Variants in MTMR7 observed in about 807,000 individuals in gnomAD.
MTMR7 encodes myotubularin related protein 7, also known as phosphatidylinositol-3-phosphate phosphatase MTMR7.
In MTMR7, 76 loss-of-function variants were observed where a neutral mutation model predicts 81.2. The ratio of observed to expected loss-of-function variants is 0.94; its 90% CI spans 0.78 to 1.13. The LOEUF is 1.13. MTMR7 is among the 50% of genes most tolerant of loss of function. The pLI is 0.00. For missense variants in MTMR7, 1,044 were observed against 820.0 expected, an observed-to-expected ratio of 1.27 and a Z score of -3.34; for synonymous variants, 372 against 289.8, an observed-to-expected ratio of 1.28 and a Z score of -2.88.
In MTMR7 at chr8:17,384,634, T is replaced by C. The variant is rs553020972; in HGVS notation, c.25-11394A>G. Among the ~76,000 whole-genome samples, 145 of 152,306 alleles carry C rather than the reference T, an allele frequency of 9.5e-4. 1 individual carries two copies. Among genetic ancestry groups the C allele is most frequent in the African/African-American group, 3.1e-3 (130 of 41,570 alleles). ...GCTATAGCAAATTCTCCAAACAATG[T>C]AGAATTGCCATGATCTCTTATAATT... On this transcript the variant is annotated intron_variant, in intron 1 of 13. Transcript: ENST00000180173.
At chr8:17,405,875 C>A (rs944957267) in intron 1 of MTMR7, among the ~76,000 whole-genome samples, 118 of 33,444 alleles carry the variant, frequency 3.5e-3, no homozygotes, top group Non-Finnish European at 8.3e-3. Flanking sequence ...CACACACACA[C>A]ACACCACAGA....
rs541653742 is a variant in MTMR7 at position 17,389,317 on chromosome 8, TC to T, written c.25-16078del. On this transcript the variant is annotated intron_variant, in intron 1 of 13. Transcript: ENST00000180173. ...CTGTACACTCTAACCATTACCACAA[TC>T]ATATTCTCATGGGAACCCAAGTTAT... Among the ~76,000 whole-genome samples, 112 of 152,298 alleles carry T rather than the reference TC, an allele frequency of 7.4e-4. 1 individual carries two copies. Among genetic ancestry groups the T allele is most frequent in the African/African-American group, 2.3e-3 (95 of 41,562 alleles).
At chr8:17,332,890 C>T (rs888462796) in intron 6 of MTMR7, among the ~76,000 whole-genome samples, 1 of 152,094 alleles carries the variant, frequency 6.6e-6, no homozygotes, top group Non-Finnish European at 1.5e-5. Context: ...ACCAATTTGG[C>T]AGCAATTACA....
Position 17,361,189 on chromosome 8 carries a change from A to T in MTMR7, c.396T>A (p.Leu132=), listed in dbSNP as rs1459671729. 1 of 1,614,022 alleles carries T rather than the reference A, an allele frequency of 6.2e-7. No homozygotes were observed. Among genetic ancestry groups the T allele is most frequent in the Non-Finnish European group, 8.5e-7 (1 of 1,179,984 alleles). ...EREQGWVLID[L]SEEYTRMGLP... The stretch of plus-strand genomic sequence containing the variant: ...GGCCCATCCGCGTGTATTCTTCACT[A>T]AGATCGATCAGCACCCAGCCTTGCT... The change falls in exon 4 of 14, where the codon CTT becomes CTA. Residue 132 remains leucine (L), a synonymous_variant. Coordinates refer to ENST00000180173, the MANE Select transcript of MTMR7 (RefSeq NM_004686.5).
intron 5 of MTMR7, among the ~76,000 whole-genome samples, chr8:17,344,928 G>A (rs914099908): frequency 3.9e-5 from 6 of 152,076 alleles, no homozygotes; most frequent in Non-Finnish European, 2.9e-5. Context: ...CTGTAAATTT[G>A]GGAGACCATG....
chr8:17,356,876 A>G (rs915600932), intron 4 of MTMR7, among the ~76,000 whole-genome samples: 2 of 152,180 alleles, frequency 1.3e-5, no homozygotes, highest in African/African-American at 4.8e-5. Context: ...ATGAGAACTC[A>G]TATCTTGCAA....
chr8:17,399,859 C>G (rs1821370593), intron 1 of MTMR7, among the ~76,000 whole-genome samples: 1 of 139,678 alleles, frequency 7.2e-6, no homozygotes, highest in Admixed American at 7.7e-5. Context: ...TACAATGGAG[C>G]AAGACTCTGT....
At chr8:17,341,783 A>C (rs1310703096) in intron 5 of MTMR7, among the ~76,000 whole-genome samples, 2 of 152,216 alleles carry the variant, frequency 1.3e-5, no homozygotes, top group Non-Finnish European at 2.9e-5. Context: ...TAAATAATCT[A>C]CTTTCCTTTT....
intron 1 of MTMR7, among the ~76,000 whole-genome samples, chr8:17,401,778 A>G (rs1009076573): frequency 6.6e-6 from 1 of 152,194 alleles, no homozygotes; most frequent in African/African-American, 2.4e-5. Flanking sequence ...TGGAAAGAGC[A>G]CAAGAGGAGA....
chr8:17,371,535 T>C (rs548278629), intron 2 of MTMR7, among the ~76,000 whole-genome samples: 4 of 152,292 alleles, frequency 2.6e-5, no homozygotes, highest in South Asian at 4.1e-4. Flanking sequence ...AATAAGGTCA[T>C]GAGAAGTTAG....
chr8:17,361,564 T>C (rs962023156), intron 3 of MTMR7, among the ~76,000 whole-genome samples: 10 of 152,188 alleles, frequency 6.6e-5, no homozygotes, highest in African/African-American at 2.2e-4. Flanking sequence ...TAAAAGCAAA[T>C]ATATTTTCCA....
Position 17,373,085 on chromosome 8 carries a change from A to T in MTMR7, c.147+33T>A, listed in dbSNP as rs77154529. ...AACACTTTTTGCTTCAAACAACGCAAAACAAGGAAAGCTAAAAATAAAGAA... is the reference window on the plus strand; with the variant it reads ...AACACTTTTTGCTTCAAACAACGCATAACAAGGAAAGCTAAAAATAAAGAA... On this transcript the variant is annotated intron_variant, in intron 2 of 13. Transcript: ENST00000180173. 1.1e-3 allele frequency: 1,714 copies of T among 1,610,152 alleles called. 2 individuals are homozygous for T. The highest frequency in any genetic ancestry group is 1.4e-3 in the Non-Finnish European group (1,625 of 1,178,438).
At chr8:17,301,554 A>C (rs1817113472) in intron 13 of MTMR7, 1 of 152,258 alleles carries the variant, frequency 6.6e-6, no homozygotes, top group African/African-American at 2.4e-5. Flanking sequence ...TTGACTTTGT[A>C]ATAAGGAAGA....
chr8:17,349,123 A>C, intron 4 of MTMR7, 42 bp from the exon 5 acceptor site: 1 of 1,599,342 alleles, frequency 6.3e-7, no homozygotes, highest in Non-Finnish European at 8.5e-7. Flanking sequence ...GCCATCTAGT[A>C]ATGCCCTGCG....
rs935962566 is a variant in MTMR7 at position 17,299,101 on chromosome 8, C to T, written c.*761G>A. On this transcript the variant is annotated 3_prime_UTR_variant, in exon 14 of 14. Transcript: ENST00000180173. Reference sequence around the variant, plus strand: ...CTAGAACAGTAATAAAAGGTTATTACAAGAAAGCTGATACTTAAATTCATA... The same window carrying T: ...CTAGAACAGTAATAAAAGGTTATTATAAGAAAGCTGATACTTAAATTCATA... 1.3e-5 allele frequency: 2 copies of T among 152,084 alleles called. No homozygotes were observed. The highest frequency in any genetic ancestry group is 4.8e-5 in the African/African-American group (2 of 41,416). The allele number at this position is 152,084 out of a possible 1,614,324, so 9.4% of individuals were successfully genotyped here.
At chr8:17,358,486 T>C (rs377478301) in intron 4 of MTMR7, among the ~76,000 whole-genome samples, 51 of 152,266 alleles carry the variant, frequency 3.3e-4, no homozygotes, top group African/African-American at 1.2e-3. Context: ...CAGAATCAAT[T>C]GAGCAAAGAG....
At chr8:17,304,570 C>T (rs1342717066) in intron 11 of MTMR7, 51 bp from the exon 12 acceptor site, 2 of 1,567,974 alleles carry the variant, frequency 1.3e-6, no homozygotes. Flanking sequence ...TGCTTACACA[C>T]AGTAGATATG....
intron 4 of MTMR7, among the ~76,000 whole-genome samples, chr8:17,359,550 C>G (rs1351354677): frequency 1.4e-5 from 2 of 146,358 alleles, no homozygotes; most frequent in Non-Finnish European, 3.0e-5. Context: ...GCACTGTACT[C>G]TAGCCTGGGT....
rs1237575495 is a variant in MTMR7, at chr8:17,349,106, T to C, written c.469-25A>G. On this transcript the variant is annotated intron_variant, in intron 4 of 13. Transcript: ENST00000180173. ...CCTGTCACCAGAAAATACAAAGAGA[T>C]TTTTAGGCCATCTAGTAATGCCCTG... is the stretch of plus-strand genomic sequence containing the variant. 5.6e-6 allele frequency: 9 copies of C among 1,607,536 alleles called. No individual in the cohort carries two copies. In the African/African-American group the frequency reaches 1.1e-4, roughly 20 times the overall value.
Sources: allele counts gnomAD v4.1 joint callset (sites outside exome capture counted in the v4.1 genomes callset), GRCh38; gene constraint gnomAD v4.1.1; transcripts MANE v1.5; gene names NCBI Gene and HGNC (gene_info 2026-07-23, HGNC 2026-07-21).